Variants in MTOR observed in about 807,000 individuals in gnomAD.
MTOR encodes the protein mechanistic target of rapamycin kinase, also known as serine/threonine-protein kinase mTOR.
MTOR carries 70 observed loss-of-function variants against 319.8 expected under a neutral mutation model. The ratio of observed to expected loss-of-function variants is 0.22; its 90% CI spans 0.18 to 0.27. MTOR has a LOEUF of 0.27. Ranked by LOEUF, MTOR falls within the 10% of genes least tolerant of loss-of-function variation. The pLI is 1.00. For synonymous variants in MTOR, 1,183 were observed against 1,211.4 expected (o/e 0.98, Z 0.49); for missense variants, 1,890 against 3,274.4 (o/e 0.58, Z 10.32).
intron 38 of MTOR, 136 bp downstream of exon 38, chr1:11,132,944 A>G (rs1313377716): frequency 1.4e-6 from 1 of 708,718 alleles, no homozygotes; most frequent in African/African-American, 1.8e-5. Flanking sequence ...CCTCTTATAG[A>G]TAGGCTCCAG....
intron 28 of MTOR, among the ~76,000 whole-genome samples, chr1:11,175,588 A>G (rs1219755618): frequency 6.6e-6 from 1 of 152,186 alleles, no homozygotes; most frequent in East Asian, 1.9e-4. Flanking sequence ...CCTTGTTCCC[A>G]AGGCAGGGCA....
intron 28 of MTOR, chr1:11,192,324 T>C (rs767967738): frequency 3.7e-6 from 6 of 1,613,866 alleles, no homozygotes; most frequent in Non-Finnish European, 5.1e-6. Flanking sequence ...ATCTCTGGAG[T>C]GTATAAGCTT....
At chr1:11,247,093 C>T (rs1648944647) in intron 8 of MTOR, among the ~76,000 whole-genome samples, 1 of 152,132 alleles carries the variant, frequency 6.6e-6, no homozygotes, top group African/African-American at 2.4e-5. Flanking sequence ...AGGTCTGATG[C>T]CAAACCTTTC....
At chr1:11,193,921 G>C in intron 28 of MTOR, 1 of 957,014 alleles carries the variant, frequency 1.0e-6, no homozygotes, top group East Asian at 2.7e-5. Context: ...ATGGAGTTGA[G>C]GAAAAATAGG....
At chr1:11,206,880 A>G (rs1646154285) in intron 25 of MTOR, among the ~76,000 whole-genome samples, 2 of 152,242 alleles carry the variant, frequency 1.3e-5, no homozygotes, top group African/African-American at 4.8e-5. Context: ...AAAGCTGCTG[A>G]AAATTCTGGA....
chr1:11,220,066 A>AG (rs893473040), intron 19 of MTOR, among the ~76,000 whole-genome samples: 2 of 32 alleles, frequency 0.062, no homozygotes, highest in African/African-American at 0.14. Flanking sequence ...GAAAAGAAAG[A>AG]AAAAAAAAAT....
rs2100381229 is a variant in MTOR, at chr1:11,124,513, A to G, written c.6647T>C (p.Leu2216Pro). The stretch of plus-strand genomic sequence containing the variant: ...TTCTGAATACCTGAGGTTTTTCCGA[A>G]GAGATGTTGGGTCATTGGCCAGAAG... ...NTLLANDPTS[L>P]RKNLSIQRYA... is the part of the protein sequence containing the mutation. Residue 2216 changes from leucine (L) to proline (P), a missense_variant, in exon 47 of 58, where the codon CTT becomes CCT. Physicochemically the swap from Leu to Pro is moderately conservative, Grantham distance 98 (BLOSUM62 -3). This residue lies in a region of MTOR where 249 missense variants were observed against 596.2 expected (regional missense o/e 0.42). Transcript: ENST00000361445. 1 of 1,605,626 alleles carries G rather than the reference A, an allele frequency of 6.2e-7. No individual in the cohort carries two copies. Among genetic ancestry groups the G allele is most frequent in the Non-Finnish European group, 8.5e-7 (1 of 1,172,912 alleles).
intron 6 of MTOR, among the ~76,000 whole-genome samples, chr1:11,250,565 T>A (rs1018849402): frequency 6.6e-6 from 1 of 152,044 alleles, no homozygotes; most frequent in African/African-American, 2.4e-5. Context: ...GTCCTCTTCA[T>A]CTCCTGACCT....
Position 11,129,030 on chromosome 1 carries a change from G to A in MTOR, c.5715-79C>T. 1 of 1,208,466 alleles carries A rather than the reference G, an allele frequency of 8.3e-7. No homozygotes were observed. Among genetic ancestry groups the A allele is most frequent in the Non-Finnish European group, 1.2e-6 (1 of 837,276 alleles). 74.9% of individuals were successfully genotyped at this position (1,208,466 alleles called of 1,614,324 possible). On this transcript the variant is annotated intron_variant, in intron 40 of 57. Coordinates refer to ENST00000361445, the MANE Select transcript of MTOR (RefSeq NM_004958.4). The surrounding 1 kb of genome is among the most constrained non-coding windows in gnomAD (Gnocchi z 4.7). ...CCTGTTTTTCATCTCTAAGGCTCCT[G>A]AGAAGAGAGCTGGCAGGGACTCCAA...
At chr1:11,258,065 G>A (rs1304370477) in intron 3 of MTOR, among the ~76,000 whole-genome samples, 1 of 149,070 alleles carries the variant, frequency 6.7e-6, no homozygotes, top group African/African-American at 2.5e-5. Context: ...AGCCAAGATT[G>A]CACCACTGAA....
intron 28 of MTOR, among the ~76,000 whole-genome samples, chr1:11,191,929 G>T (rs1042196351): frequency 6.6e-6 from 1 of 152,158 alleles, no homozygotes; most frequent in Non-Finnish European, 1.5e-5. Context: ...TCTGACAGGA[G>T]TATCTGTTAC....
intron 19 of MTOR, among the ~76,000 whole-genome samples, chr1:11,219,214 A>C (rs79395423): frequency 7.1e-6 from 1 of 140,066 alleles, no homozygotes; most frequent in Non-Finnish European, 1.6e-5. Context: ...ACCCTGTTTC[A>C]AAAAAAAAAA....
intron 17 of MTOR, 73 bp from the exon 18 acceptor site, chr1:11,231,127 C>T: frequency 6.2e-7 from 1 of 1,607,452 alleles, no homozygotes; most frequent in East Asian, 2.2e-5. Flanking sequence ...ACGGATACTC[C>T]TCTCAGGTTA....
In MTOR at chr1:11,139,674, G is replaced by A. The variant is rs746459762; in HGVS notation, c.4873-16C>T. ...GCTGGCAGCCCTGGAACATTCAGAA[G>A]TGAAGATTAGATATGTCTTCTGATA... On this transcript the variant is annotated splice_polypyrimidine_tract_variant and intron_variant, in intron 34 of 57. Transcript: ENST00000361445. The A allele has an allele frequency of 2.8e-5, 45 of 1,614,010 alleles. No homozygotes were observed. The highest frequency in any genetic ancestry group is 3.3e-4 in the Middle Eastern group (2 of 6,084).
At chr1:11,256,837 C>T in intron 4 of MTOR, 96 bp downstream of exon 4, 1 of 1,246,398 alleles carries the variant, frequency 8.0e-7, no homozygotes, top group South Asian at 1.4e-5. Context: ...TTCTAACCAG[C>T]TTTTTTAAGG....
Position 11,158,209 on chromosome 1 carries a change from T to C in MTOR, c.4330-918A>G, listed in dbSNP as rs565055616. On this transcript the variant is annotated intron_variant, in intron 29 of 57. Coordinates refer to ENST00000361445, the MANE Select transcript of MTOR (RefSeq NM_004958.4). ...TTTTTGCACAGGCAAGGGTAGTGGCTCTCTAGGGATTTCTTTAACAACAAT... is the reference window on the plus strand; with the variant it reads ...TTTTTGCACAGGCAAGGGTAGTGGCCCTCTAGGGATTTCTTTAACAACAAT... 2.1e-3 allele frequency among the ~76,000 whole-genome samples: 317 copies of C among 152,306 alleles called. 2 individuals are homozygous for C. The highest frequency in any genetic ancestry group is 2.8e-3 in the Non-Finnish European group (191 of 68,028).
At chr1:11,218,076 T>C (rs1207976799) in intron 19 of MTOR, among the ~76,000 whole-genome samples, 1 of 152,126 alleles carries the variant, frequency 6.6e-6, no homozygotes, top group Admixed American at 6.5e-5. Flanking sequence ...ATTCCCCAAA[T>C]TGAATCACTA....
At chr1:11,172,823 C>T (rs1489493544) in intron 28 of MTOR, among the ~76,000 whole-genome samples, 1 of 146,578 alleles carries the variant, frequency 6.8e-6, no homozygotes, top group African/African-American at 2.5e-5. Flanking sequence ...GATCGCACCA[C>T]TGCACTCCAG....
intron 36 of MTOR, 104 bp downstream of exon 36, chr1:11,139,200 G>A (rs1643570651): frequency 1.4e-6 from 2 of 1,440,398 alleles, no homozygotes; most frequent in Non-Finnish European, 1.9e-6. Context: ...GTGAGTAGGT[G>A]GTTTAAACAC....
Sources: gnomAD v4.1 joint callset for allele counts (sites outside exome capture counted in the v4.1 genomes callset) on GRCh38, gnomAD v4.1.1 for gene constraint, gnomAD v4.1.1 regional missense constraint, Gnocchi (gnomAD v3.1) non-coding constraint, MANE v1.5 for transcripts, NCBI Gene and HGNC (gene_info 2026-07-23, HGNC 2026-07-21) for gene names.